AP1G1: variants seen among roughly 807,000 people sequenced by gnomAD.
AP1G1 encodes the protein AP-1 complex subunit gamma-1.
AP1G1 carries 7 observed loss-of-function variants against 108.3 expected under a neutral mutation model. The observed-to-expected ratio is 0.06, with a 90% CI of 0.04 to 0.12. The LOEUF (loss-of-function observed/expected upper bound fraction) is 0.12, where lower values mean the gene tolerates loss of function less well. Ranked by LOEUF, AP1G1 falls within the 10% of genes least tolerant of loss-of-function variation. AP1G1 has a pLI of 1.00. For missense variants in AP1G1, 756 were observed against 1,010.7 expected (o/e 0.75, Z 3.42); for synonymous variants, 379 against 353.5 (o/e 1.07, Z -0.81).
At chr16:71,796,052 C>A (rs1351979962) in intron 1 of AP1G1, among the ~76,000 whole-genome samples, 4 of 152,186 alleles carry the variant, frequency 2.6e-5, no homozygotes, top group Admixed American at 6.5e-5. Context: ...GCCTGAGCAA[C>A]ATGGCGACAC....
intron 19 of AP1G1, among the ~76,000 whole-genome samples, chr16:71,741,686 G>C (rs758543148): frequency 6.6e-6 from 1 of 152,204 alleles, no homozygotes; most frequent in Non-Finnish European, 1.5e-5. Flanking sequence ...AACACCATTT[G>C]TGCAGTCCAG....
chr16:71,794,835 C>CTTTTT (rs55761928), intron 1 of AP1G1, among the ~76,000 whole-genome samples: 1,003 of 39,622 alleles, frequency 0.025, 88 homozygotes, highest in Middle Eastern at 0.059. Context: ...ATGAGAAGTG[C>CTTTTT]TTTTTTTTTT....
intron 1 of AP1G1, among the ~76,000 whole-genome samples, chr16:71,797,551 A>G (rs1869493601): frequency 6.6e-6 from 1 of 152,152 alleles, no homozygotes; most frequent in African/African-American, 2.4e-5. Context: ...CTGTAATCCC[A>G]GCACTTTGGG....
At chr16:71,803,028 A>G (rs1197196742) in intron 1 of AP1G1, among the ~76,000 whole-genome samples, 1 of 152,082 alleles carries the variant, frequency 6.6e-6, no homozygotes, top group Non-Finnish European at 1.5e-5. Flanking sequence ...CAGCCTGGCC[A>G]ACGTGACAAA....
At chr16:71,764,171 T>A (rs1359232523) in intron 9 of AP1G1, among the ~76,000 whole-genome samples, 179 bp downstream of exon 9, 2 of 152,184 alleles carry the variant, frequency 1.3e-5, no homozygotes, top group South Asian at 2.1e-4. Flanking sequence ...TTATAATCAA[T>A]GTTAAGCCTT....
At chr16:71,795,848 A>G (rs1350333282) in intron 1 of AP1G1, among the ~76,000 whole-genome samples, 2 of 152,188 alleles carry the variant, frequency 1.3e-5, no homozygotes, top group Non-Finnish European at 2.9e-5. Flanking sequence ...TATTTCCCCT[A>G]TATGAAGAAA....
At chr16:71,800,121 T>C (rs1248421332) in intron 1 of AP1G1, among the ~76,000 whole-genome samples, 1 of 150,376 alleles carries the variant, frequency 6.6e-6, no homozygotes, top group East Asian at 2.0e-4. Context: ...TCCCAGCACT[T>C]TGGGAGGCCG....
chr16:71,804,954 T>C (rs2032946751), intron 1 of AP1G1, among the ~76,000 whole-genome samples: 1 of 152,066 alleles, frequency 6.6e-6, no homozygotes, highest in Non-Finnish European at 1.5e-5. Context: ...GAGGCTGCAG[T>C]GAGCTGAGAT....
At chr16:71,801,749 C>T (rs572853845) in intron 1 of AP1G1, among the ~76,000 whole-genome samples, 2 of 151,916 alleles carry the variant, frequency 1.3e-5, no homozygotes, top group African/African-American at 2.4e-5. Flanking sequence ...GGTGAAAGCC[C>T]GTCTCTACTG....
At chr16:71,743,025 C>T (rs1244703466) in intron 19 of AP1G1, 2 of 150,886 alleles carry the variant, frequency 1.3e-5, no homozygotes, top group Admixed American at 1.3e-4. Flanking sequence ...ACTGAGTAAA[C>T]AGAGCAAATT....
At chr16:71,792,428 A>G (rs1255386423) in intron 1 of AP1G1, among the ~76,000 whole-genome samples, 1 of 152,202 alleles carries the variant, frequency 6.6e-6, no homozygotes, top group Admixed American at 6.5e-5. Context: ...AAGAAAGTCT[A>G]TTCTGAAAAT....
At chr16:71,807,428 C>T (rs1400827215) in intron 1 of AP1G1, among the ~76,000 whole-genome samples, 1 of 152,162 alleles carries the variant, frequency 6.6e-6, no homozygotes, top group Non-Finnish European at 1.5e-5. Flanking sequence ...GAGACTTCGT[C>T]TCAAAAAATA....
chr16:71,755,922 G>C, intron 12 of AP1G1, 97 bp downstream of exon 12: 1 of 1,354,778 alleles, frequency 7.4e-7, no homozygotes, highest in Non-Finnish European at 1.0e-6. Context: ...GAGACTGCAG[G>C]CGTGTGCCAC....
intron 13 of AP1G1, among the ~76,000 whole-genome samples, chr16:71,751,965 T>C (rs2030530784): frequency 6.6e-6 from 1 of 152,002 alleles, no homozygotes; most frequent in South Asian, 2.1e-4. Context: ...TAAGCCAATC[T>C]CTCTCATGAA....
intron 1 of AP1G1, among the ~76,000 whole-genome samples, chr16:71,802,661 C>T (rs2032846904): frequency 6.6e-6 from 1 of 151,434 alleles, no homozygotes; most frequent in South Asian, 2.1e-4. Context: ...ACCCAGGAGG[C>T]GGAGGTTGAG....
At chr16:71,754,544 C>T (rs986611419) in intron 12 of AP1G1, among the ~76,000 whole-genome samples, 50 of 152,244 alleles carry the variant, frequency 3.3e-4, no homozygotes, top group Non-Finnish European at 5.3e-4. Flanking sequence ...TGCCTATAAT[C>T]CCAGTACTTT....
chr16:71,739,218 A>C lies in AP1G1; in HGVS notation c.2107+16T>G. 1 of 1,610,582 alleles carries C rather than the reference A, an allele frequency of 6.2e-7. No individual in the cohort carries two copies. The highest frequency in any genetic ancestry group is 8.5e-7 in the Non-Finnish European group (1 of 1,177,218). On this transcript the variant is annotated intron_variant, in intron 20 of 22. Coordinates refer to ENST00000299980, the MANE Select transcript of AP1G1 (RefSeq NM_001128.6). ...CTCAGTGCTCCATGTAATGATGGTA[A>C]CAACAGTCATCGTACCTGCAGCAAT... is the stretch of plus-strand genomic sequence containing the variant.
Position 71,771,256 on chromosome 16 carries a change from T to TAAA in AP1G1, c.469-5_469-4insTTT. 17 of 1,133,782 alleles carry TAAA rather than the reference T, an allele frequency of 1.5e-5. No individual in the cohort carries two copies. Among genetic ancestry groups the TAAA allele is most frequent in the South Asian group, 3.5e-5 (2 of 57,490 alleles). The allele number at this position is 1,133,782 out of a possible 1,614,324, so 70.2% of individuals were successfully genotyped here. A position where few individuals can be genotyped will look rare whatever the true frequency, so the allele number is the denominator to read the frequency against. ...CATGAACAGCACACAGTGCTGCCTA[T>TAAA]GAAAAAAAAAATAAAAGAACAAAAG... On this transcript the variant is annotated splice_region_variant and splice_polypyrimidine_tract_variant and intron_variant, in intron 4 of 22. Coordinates refer to ENST00000299980, the MANE Select transcript of AP1G1 (RefSeq NM_001128.6).
chr16:71,775,166 A>G (rs1218033685), intron 2 of AP1G1, among the ~76,000 whole-genome samples: 1 of 150,868 alleles, frequency 6.6e-6, no homozygotes, highest in East Asian at 2.0e-4. Flanking sequence ...AAATGGGACT[A>G]CAGGCCCCCA....
Sources: allele counts gnomAD v4.1 joint callset (sites outside exome capture counted in the v4.1 genomes callset), GRCh38; gene constraint gnomAD v4.1.1; transcripts MANE v1.5; gene names NCBI Gene and HGNC (gene_info 2026-07-23, HGNC 2026-07-21).